Variants in TCF7 observed in about 807,000 individuals in gnomAD.
TCF7 encodes T-cell-factor-7.
TCF7 carries 19 observed loss-of-function variants against 46.8 expected under a neutral mutation model. The observed-to-expected ratio is 0.41, with a 90% CI of 0.28 to 0.60. The LOEUF (loss-of-function observed/expected upper bound fraction) is 0.60. Ranked by LOEUF, TCF7 falls within the 20% of genes least tolerant of loss-of-function variation. The probability of loss-of-function intolerance (pLI) is 0.35; values close to 1 mark genes in which losing one functional copy is unlikely to be tolerated. For missense variants in TCF7, 547 were observed against 504.6 expected, an observed-to-expected ratio of 1.08 and a Z score of -0.81; for synonymous variants, 245 against 213.4, an observed-to-expected ratio of 1.15 and a Z score of -1.29.
chr5:134,116,059 G>T, intron 3 of TCF7, 26 bp downstream of exon 3: 1 of 1,598,864 alleles, frequency 6.3e-7, no homozygotes, highest in Middle Eastern at 1.7e-4. Context: ...AGCCAGTGCC[G>T]CCCTGTGCTT....
chr5:134,139,222 G>A lies in TCF7; in HGVS notation c.635+184G>A, dbSNP rs549997135. 8.7e-5 allele frequency: 76 copies of A among 874,112 alleles called. 1 individual carries two copies. The highest frequency in any genetic ancestry group is 2.0e-4 in the South Asian group (11 of 53,754). The allele number at this position is 874,112 out of a possible 1,614,324, so 54.1% of individuals were successfully genotyped here. On this transcript the variant is annotated intron_variant, in intron 5 of 9. Coordinates refer to ENST00000342854, the MANE Select transcript of TCF7 (RefSeq NM_003202.5). Reference sequence around the variant, plus strand: ...TGAGCTAGGGGTCCTCATGTACCCCGGCCTGCATTCCCCAGGGAGCCTGAC... The same window carrying A: ...TGAGCTAGGGGTCCTCATGTACCCCAGCCTGCATTCCCCAGGGAGCCTGAC...
At chr5:134,138,327 A>C (rs930876337) in intron 4 of TCF7, 163 bp downstream of exon 4, 47 of 622,132 alleles carry the variant, frequency 7.6e-5, no homozygotes, top group Non-Finnish European at 1.0e-4. Flanking sequence ...TGGGGGTATA[A>C]GGGCATCAGA....
rs1436894064 is a variant in TCF7, at chr5:134,115,848, C to G, written c.317-61C>G. ...CAATTCTTTTTCTCTCAAGAGCAGA[C>G]AGCCTTCAGTCCCAGCCGCTGCCAG... On this transcript the variant is annotated intron_variant, in intron 2 of 9. Transcript: ENST00000342854. 1.3e-5 allele frequency: 21 copies of G among 1,608,436 alleles called. No individual in the cohort carries two copies. The East Asian group carries it at 4.2e-4, about 32-fold the overall frequency.
At chr5:134,140,373 C>T (rs1237310123) in intron 5 of TCF7, among the ~76,000 whole-genome samples, 1 of 152,214 alleles carries the variant, frequency 6.6e-6, no homozygotes, top group African/African-American at 2.4e-5. Flanking sequence ...AGAGGTACCT[C>T]ATCCAGCTTG....
chr5:134,111,384 C>T (rs917938301), upstream of TCF7, among the ~76,000 whole-genome samples: 5 of 152,158 alleles, frequency 3.3e-5, no homozygotes, highest in African/African-American at 9.7e-5. Flanking sequence ...GGCCTCCTTG[C>T]AGCTGGTCCT....
At chr5:134,135,274 G>T (rs1194860694) in intron 3 of TCF7, among the ~76,000 whole-genome samples, 3 of 152,122 alleles carry the variant, frequency 2.0e-5, no homozygotes, top group African/African-American at 7.2e-5. Context: ...AGAGAATTTT[G>T]TAGGCCCCAG....
rs1755602371 is a variant in TCF7 at position 134,115,001 on chromosome 5, A to G, written c.95A>G (p.Glu32Gly). The G allele has an allele frequency of 2.4e-6, 3 of 1,248,726 alleles. No individual in the cohort carries two copies. Among genetic ancestry groups the G allele is most frequent in the Non-Finnish European group, 3.1e-6 (3 of 971,988 alleles). The allele number at this position is 1,248,726 out of a possible 1,614,324, so 77.4% of individuals were successfully genotyped here. The change falls in exon 1 of 10, where the codon GAG becomes GGG. Residue 32 changes from glutamate (E) to glycine (G), a missense_variant. By Grantham distance (98) the Glu-to-Gly change is moderately conservative. Transcript: ENST00000342854. ...ELLAFQDEGE[E>G]QDDKSRDSAA... Reference sequence around the variant, plus strand: ...CTGGCCTTCCAGGATGAAGGCGAGGAGCAGGACGACAAGAGCCGCGACAGC... The same window carrying G: ...CTGGCCTTCCAGGATGAAGGCGAGGGGCAGGACGACAAGAGCCGCGACAGC...
At chr5:134,118,177 T>C (rs1756085332) in intron 3 of TCF7, among the ~76,000 whole-genome samples, 5 of 152,230 alleles carry the variant, frequency 3.3e-5, no homozygotes, top group Admixed American at 2.6e-4. Flanking sequence ...TCAAGGTTCA[T>C]GTGTCTGGAA....
At position 134,138,171 on chromosome 5, in the gene TCF7, G is replaced by A; in HGVS notation, c.547+7G>A. On this transcript the variant is annotated splice_region_variant and intron_variant, in intron 4 of 9. Coordinates refer to ENST00000342854, the MANE Select transcript of TCF7 (RefSeq NM_003202.5). ...GACATCAGCCAGAAGCAAGGTACAA[G>A]CCTGGGATGGGGAGGGGCCCAGTGA... The A allele has an allele frequency of 6.2e-7, 1 of 1,612,460 alleles. No individual in the cohort carries two copies. The highest frequency in any genetic ancestry group is 1.7e-4 in the Middle Eastern group (1 of 6,054).
chr5:134,146,085 G>GAC (rs1290554780), intron 9 of TCF7, 139 bp from the exon 10 acceptor site: 2 of 1,593,874 alleles, frequency 1.3e-6, no homozygotes, highest in African/African-American at 1.4e-5. Flanking sequence ...GCAGTCTGAG[G>GAC]ACACTGACTT....
intron 2 of TCF7, 159 bp downstream of exon 2, chr5:134,115,546 C>G: frequency 6.9e-7 from 1 of 1,439,110 alleles, no homozygotes; most frequent in South Asian, 1.5e-5. Flanking sequence ...GCTTCCCGGG[C>G]GCCGCCGGGT....
intron 6 of TCF7, 30 bp downstream of exon 6, chr5:134,142,334 T>G (rs1486477073): frequency 6.4e-7 from 1 of 1,551,704 alleles, no homozygotes. Flanking sequence ...TGGCAGGGGG[T>G]GTGTCAGTCA....
intron 3 of TCF7, among the ~76,000 whole-genome samples, chr5:134,119,650 T>C (rs1756304794): frequency 6.6e-6 from 1 of 152,186 alleles, no homozygotes; most frequent in Non-Finnish European, 1.5e-5. Context: ...AGAAGGAGCC[T>C]CACTGAGGCA....
intron 2 of TCF7, chr5:134,115,603 C>A: frequency 7.0e-7 from 1 of 1,433,556 alleles, no homozygotes; most frequent in East Asian, 2.6e-5. Context: ...AACAGACCCC[C>A]GCCATCCCCG....
At chr5:134,143,846 G>A in intron 9 of TCF7, 1 of 593,810 alleles carries the variant, frequency 1.7e-6, no homozygotes, top group Non-Finnish European at 2.9e-6. Context: ...AAACCCAGCA[G>A]AACTGGCTTC....
Position 134,139,045 on chromosome 5 carries a change from G to A in TCF7, c.635+7G>A, listed in dbSNP as rs367674461. On this transcript the variant is annotated splice_region_variant and intron_variant, in intron 5 of 9. Coordinates refer to ENST00000342854, the MANE Select transcript of TCF7 (RefSeq NM_003202.5). ...TCCCCCACACTGTGAGCTGGTGAGTGTGGGCCCAATGGGAAAGGGGTACCG... is the reference window on the plus strand; with the variant it reads ...TCCCCCACACTGTGAGCTGGTGAGTATGGGCCCAATGGGAAAGGGGTACCG... 2.8e-5 allele frequency: 45 copies of A among 1,613,366 alleles called. No individual in the cohort carries two copies. The highest frequency in any genetic ancestry group is 4.0e-5 in the African/African-American group (3 of 74,900).
At position 134,146,431 on chromosome 5, in the gene TCF7, C is replaced by T. The variant is rs1366535399; in HGVS notation, c.*128C>T. ...CCCCAGGTCTCTCCACTGCTCTCAG[C>T]CTCCCAACCCCAGGGCCCCCACAGG... On this transcript the variant is annotated 3_prime_UTR_variant, in exon 10 of 10. Coordinates refer to ENST00000342854, the MANE Select transcript of TCF7 (RefSeq NM_003202.5). The T allele has an allele frequency of 8.7e-7, 1 of 1,155,354 alleles. No individual in the cohort carries two copies. The highest frequency in any genetic ancestry group is 1.2e-5 in the South Asian group (1 of 81,454). The allele number at this position is 1,155,354 out of a possible 1,614,324, so 71.6% of individuals were successfully genotyped here.
At chr5:134,121,230 A>C (rs1395382646) in intron 3 of TCF7, among the ~76,000 whole-genome samples, 2 of 151,884 alleles carry the variant, frequency 1.3e-5, no homozygotes, top group African/African-American at 2.4e-5. Flanking sequence ...CCCCTTCCTC[A>C]GTCATGTAGA....
intron 3 of TCF7, among the ~76,000 whole-genome samples, chr5:134,119,799 C>T (rs1304113305): frequency 6.6e-6 from 1 of 152,156 alleles, no homozygotes; most frequent in Non-Finnish European, 1.5e-5. Flanking sequence ...TGCAGAGATG[C>T]ATAGGTGCAG....
Sources: gnomAD v4.1 joint callset for allele counts (sites outside exome capture counted in the v4.1 genomes callset) on GRCh38, gnomAD v4.1.1 for gene constraint, MANE v1.5 for transcripts, NCBI Gene and HGNC (gene_info 2026-07-23, HGNC 2026-07-21) for gene names.